Variants in ATG4C observed in about 807,000 individuals in gnomAD.
ATG4C encodes the protein cysteine protease ATG4C.
ATG4C carries 56 observed loss-of-function variants against 57.6 expected under a neutral mutation model. The ratio of observed to expected loss-of-function variants is 0.97; its 90% CI spans 0.78 to 1.21. The LOEUF (loss-of-function observed/expected upper bound fraction) is 1.21. Ranked by LOEUF, ATG4C falls within the 50% of genes most tolerant of loss-of-function variation. The pLI is 0.00. For missense variants in ATG4C, 595 were observed against 529.8 expected, an observed-to-expected ratio of 1.12 and a Z score of -1.21; for synonymous variants, 157 against 174.1, an observed-to-expected ratio of 0.90 and a Z score of 0.78.
intron 1 of ATG4C, among the ~76,000 whole-genome samples, chr1:62,800,051 A>C (rs1664605889): frequency 1.3e-5 from 2 of 151,990 alleles, no homozygotes; most frequent in Admixed American, 1.3e-4. Context: ...CCCATATAAC[A>C]TGTCTAATTG....
chr1:62,803,139 T>G (rs1664738265), intron 1 of ATG4C, among the ~76,000 whole-genome samples: 1 of 152,204 alleles, frequency 6.6e-6, no homozygotes, highest in Non-Finnish European at 1.5e-5. Flanking sequence ...AAGAACATTT[T>G]CCGTTATAAA....
chr1:62,832,191 C>CTTTTT (rs151164246), intron 7 of ATG4C, among the ~76,000 whole-genome samples: 1 of 78,752 alleles, frequency 1.3e-5, no homozygotes, highest in Non-Finnish European at 2.4e-5. Flanking sequence ...TATGCTTTCT[C>CTTTTT]TGTTTAATTT....
At chr1:62,817,389 A>T (rs1665314056) in intron 4 of ATG4C, among the ~76,000 whole-genome samples, 1 of 152,216 alleles carries the variant, frequency 6.6e-6, no homozygotes, top group Non-Finnish European at 1.5e-5. Flanking sequence ...TCTGTTGCTC[A>T]GGCTAGAGTG....
intron 1 of ATG4C, among the ~76,000 whole-genome samples, chr1:62,787,360 G>A (rs1664126889): frequency 6.6e-6 from 1 of 152,060 alleles, no homozygotes; most frequent in South Asian, 2.1e-4. Flanking sequence ...CCATGTATAT[G>A]AATAGGTAAC....
intron 1 of ATG4C, chr1:62,785,182 A>G (rs1553220046): frequency 1.3e-5 from 2 of 152,230 alleles, no homozygotes; most frequent in Non-Finnish European, 2.9e-5. Context: ...CAAGGGAATG[A>G]TCTTCTTGCT....
At chr1:62,802,316 A>T (rs1664706044) in intron 1 of ATG4C, among the ~76,000 whole-genome samples, 1 of 152,090 alleles carries the variant, frequency 6.6e-6, no homozygotes, top group Non-Finnish European at 1.5e-5. Context: ...AGCATCCTTA[A>T]TCCGAAAATC....
At chr1:62,819,375 C>T in intron 5 of ATG4C, 40 bp downstream of exon 5, 2 of 1,499,212 alleles carry the variant, frequency 1.3e-6, no homozygotes, top group South Asian at 1.3e-5. Flanking sequence ...TGACAGAGGT[C>T]CTCAGGATTA....
rs141009659 is a variant in ATG4C, at chr1:62,823,729, G to A, written c.796+2520G>A. Among the ~76,000 whole-genome samples the A allele has an allele frequency of 5.1e-3, 771 of 152,024 alleles. 10 individuals carry two copies. The highest frequency in any genetic ancestry group is 0.018 in the African/African-American group (746 of 41,468). On this transcript the variant is annotated intron_variant, in intron 6 of 10. Transcript: ENST00000317868. The stretch of plus-strand genomic sequence containing the variant: ...TACACAGTACACTAAAATATTTTCC[G>A]CCCTCAGGCCATTCCTTAGACATGG...
In ATG4C at chr1:62,842,516, G is replaced by T. The variant is rs188737211; in HGVS notation, c.1209+969G>T. 1.3e-3 allele frequency among the ~76,000 whole-genome samples: 204 copies of T among 152,068 alleles called. 2 individuals are homozygous for T. The highest frequency in any genetic ancestry group is 4.3e-3 in the African/African-American group (178 of 41,488). On this transcript the variant is annotated intron_variant, in intron 10 of 10. Transcript: ENST00000317868. Reference sequence around the variant, plus strand: ...GGGTTTCTCCATGTTGGTCAGGCTGGTCTCGAACTCCTGACCTCAGAATTC... The same window carrying T: ...GGGTTTCTCCATGTTGGTCAGGCTGTTCTCGAACTCCTGACCTCAGAATTC...
chr1:62,784,843 C>G (rs1420918460), intron 1 of ATG4C, among the ~76,000 whole-genome samples: 1 of 152,172 alleles, frequency 6.6e-6, no homozygotes, highest in African/African-American at 2.4e-5. Flanking sequence ...CAACCCTACC[C>G]ACATCTAAGG....
intron 6 of ATG4C, among the ~76,000 whole-genome samples, chr1:62,827,724 CGGGGG>C (rs1439398598): frequency 6.6e-6 from 1 of 151,902 alleles, no homozygotes; most frequent in African/African-American, 2.4e-5. Context: ...ACTTATGTCA[CGGGGG>C]TTTGTTGTAC....
intron 1 of ATG4C, among the ~76,000 whole-genome samples, chr1:62,791,939 A>G (rs1664287561): frequency 6.6e-6 from 1 of 152,116 alleles, no homozygotes; most frequent in Non-Finnish European, 1.5e-5. Context: ...GGGCATATAC[A>G]CATCCATATA....
At chr1:62,838,369 T>C (rs2100341779) in intron 9 of ATG4C, among the ~76,000 whole-genome samples, 1 of 152,290 alleles carries the variant, frequency 6.6e-6, no homozygotes, top group South Asian at 2.1e-4. Context: ...TATCACGAAG[T>C]GAACATAGCC....
chr1:62,842,506 G>A (rs1666204002), intron 10 of ATG4C, among the ~76,000 whole-genome samples: 1 of 151,794 alleles, frequency 6.6e-6, no homozygotes, highest in Admixed American at 6.6e-5. Context: ...TCTCCATGTT[G>A]GTCAGGCTGG....
rs1363742489 is a variant in ATG4C, at chr1:62,784,135, G to C, written c.-207G>C. On this transcript the variant is annotated 5_prime_UTR_variant, in exon 1 of 11. Transcript: ENST00000317868. Reference sequence around the variant, plus strand: ...TACTACGGTGGCCGGGGTGCTCAAAGTACCTGTAGCTGCGGCGCTGAGGTC... The same window carrying C: ...TACTACGGTGGCCGGGGTGCTCAAACTACCTGTAGCTGCGGCGCTGAGGTC... 2 of 152,926 alleles carry C rather than the reference G, an allele frequency of 1.3e-5. No individual in the cohort carries two copies. The highest frequency in any genetic ancestry group is 3.4e-3 in the Middle Eastern group (1 of 294). The allele number at this position is 152,926 out of a possible 1,614,324, so 9.5% of individuals were successfully genotyped here.
chr1:62,863,896 C>A, intron 10 of ATG4C, 96 bp from the exon 11 acceptor site: 1 of 842,518 alleles, frequency 1.2e-6, no homozygotes, highest in Non-Finnish European at 1.8e-6. Flanking sequence ...AAGAAGCTAA[C>A]AGGAGAGGTT....
At chr1:62,856,435 G>A (rs1666684284) in intron 10 of ATG4C, among the ~76,000 whole-genome samples, 2 of 152,140 alleles carry the variant, frequency 1.3e-5, no homozygotes, top group South Asian at 4.1e-4. Context: ...TAATGATAAA[G>A]CCAACACATT....
intron 9 of ATG4C, among the ~76,000 whole-genome samples, chr1:62,836,601 A>G (rs1484045533): frequency 6.6e-6 from 1 of 152,076 alleles, no homozygotes; most frequent in African/African-American, 2.4e-5. Context: ...AGGTGTTTTA[A>G]CTACCCTGTA....
At chr1:62,835,427 A>C in intron 9 of ATG4C, 1 of 337,252 alleles carries the variant, frequency 3.0e-6, no homozygotes. Context: ...AAAATTTGAG[A>C]ATACATAAAT....
Sources: allele counts gnomAD v4.1 joint callset (sites outside exome capture counted in the v4.1 genomes callset), GRCh38; gene constraint gnomAD v4.1.1; transcripts MANE v1.5; gene names NCBI Gene and HGNC (gene_info 2026-07-23, HGNC 2026-07-21).